The following NBEAL1 variants were observed in gnomAD, a reference collection of about 807,000 sequenced individuals.
NBEAL1 encodes neurobeachin-like protein 1.
In NBEAL1, 273 loss-of-function variants were observed where a neutral mutation model predicts 351.3. That is an observed-to-expected ratio of 0.78 (90% CI 0.70 to 0.86). The LOEUF (loss-of-function observed/expected upper bound fraction) is 0.86. Among genes scored for constraint, NBEAL1 ranks in the 40% least tolerant of loss-of-function variants. The probability of loss-of-function intolerance (pLI) is 0.00; values close to 1 mark genes in which losing one functional copy is unlikely to be tolerated. For missense variants in NBEAL1, 2,961 were observed against 3,201.3 expected (o/e 0.92, Z 1.81); for synonymous variants, 1,050 against 1,086.4 (o/e 0.97, Z 0.66).
At chr2:203,088,409 T>A (rs931099693) in intron 10 of NBEAL1, among the ~76,000 whole-genome samples, 6 of 150,828 alleles carry the variant, frequency 4.0e-5, no homozygotes, top group Non-Finnish European at 7.4e-5. Context: ...AACTATCAAA[T>A]AAACCCCTCA....
chr2:203,048,902 C>T (rs1195378499), intron 3 of NBEAL1, among the ~76,000 whole-genome samples: 2 of 149,628 alleles, frequency 1.3e-5, no homozygotes, highest in African/African-American at 4.9e-5. Context: ...TTTTTTAATA[C>T]CCTTTTATCT....
rs555388836 is a variant in NBEAL1, at chr2:203,114,477, A to T, written c.2506+1159A>T. On this transcript the variant is annotated intron_variant, in intron 17 of 55. Coordinates refer to ENST00000683969, the MANE Select transcript of NBEAL1 (RefSeq NM_001378026.1). ...TAGGGAACCTTGGATAAGTTTGCAA[A>T]CTGTTTTTCATTTTGTTTTGGCTTT... Among the ~76,000 whole-genome samples, 5 of 152,270 alleles carry T rather than the reference A, an allele frequency of 3.3e-5. No homozygotes were observed. The South Asian group carries it at 8.3e-4, about 25-fold the overall frequency.
At chr2:203,095,454 C>T (rs2062162330) in intron 10 of NBEAL1, among the ~76,000 whole-genome samples, 1 of 151,682 alleles carries the variant, frequency 6.6e-6, no homozygotes, top group Non-Finnish European at 1.5e-5. Flanking sequence ...ACCACTACTC[C>T]CTGCTAATTT....
intron 51 of NBEAL1, among the ~76,000 whole-genome samples, chr2:203,205,137 T>C (rs549665941): frequency 3.0e-4 from 45 of 152,302 alleles, no homozygotes; most frequent in Middle Eastern, 3.4e-3. Flanking sequence ...TTTCACTAGT[T>C]GTGTTTTTCA....
At chr2:203,128,651 G>A (rs1450916312) in intron 24 of NBEAL1, among the ~76,000 whole-genome samples, 1 of 147,278 alleles carries the variant, frequency 6.8e-6, no homozygotes, top group Admixed American at 6.8e-5. Flanking sequence ...AGGCTGGAGT[G>A]CAGTGGCACA....
At chr2:203,077,198 G>C (rs2061790441) in intron 7 of NBEAL1, among the ~76,000 whole-genome samples, 1 of 151,420 alleles carries the variant, frequency 6.6e-6, no homozygotes, top group African/African-American at 2.4e-5. Flanking sequence ...GGTCACCTGA[G>C]GTCTCTACTA....
intron 43 of NBEAL1, chr2:203,181,360 T>C (rs1056613077): frequency 2.0e-5 from 3 of 152,028 alleles, no homozygotes; most frequent in African/African-American, 7.2e-5. Flanking sequence ...ATAGGAAAAA[T>C]TTGGTAACTC....
chr2:203,114,335 C>T (rs1393077640), intron 17 of NBEAL1, among the ~76,000 whole-genome samples: 2 of 152,080 alleles, frequency 1.3e-5, no homozygotes, highest in African/African-American at 4.8e-5. Flanking sequence ...AAAATATAAC[C>T]GTATCTCTAG....
chr2:203,051,494 C>T (rs924107920), intron 4 of NBEAL1, among the ~76,000 whole-genome samples: 3 of 150,542 alleles, frequency 2.0e-5, no homozygotes, highest in African/African-American at 7.4e-5. Context: ...TTCAGTGTGC[C>T]GAGATCATGC....
chr2:203,168,829 G>C (rs2064221517), intron 38 of NBEAL1, among the ~76,000 whole-genome samples: 1 of 148,144 alleles, frequency 6.8e-6, no homozygotes, highest in African/African-American at 2.5e-5. Flanking sequence ...TGGAGGCAGA[G>C]GTTACAGTGA....
At chr2:203,122,394 C>A in intron 19 of NBEAL1, 51 bp downstream of exon 19, 1 of 1,146,558 alleles carries the variant, frequency 8.7e-7, no homozygotes, top group Non-Finnish European at 1.3e-6. Context: ...TACTGATACT[C>A]TTATTAAGGA....
rs781656581 is a variant in NBEAL1 at position 203,172,757 on chromosome 2, C to G, written c.6227C>G (p.Ser2076Trp). The G allele has an allele frequency of 6.2e-7, 1 of 1,610,394 alleles. No homozygotes were observed. The highest frequency in any genetic ancestry group is 1.3e-5 in the African/African-American group (1 of 74,728). ...CCCTGGATTTTACAAGATTATACTT[C>G]GGAAGAGTTGGACCTTAATAACCCT... ...VFPWILQDYT[S>W]EELDLNNPAV... The change falls in exon 41 of 56, where the codon TCG (serine) becomes TGG (tryptophan). Residue 2076 changes from serine (S) to tryptophan (W), a missense_variant. By Grantham distance (177) the Ser-to-Trp change is radical. Transcript: ENST00000683969.
chr2:203,183,132 T>C, intron 43 of NBEAL1, 147 bp from the exon 44 acceptor site: 1 of 425,132 alleles, frequency 2.4e-6, no homozygotes, highest in East Asian at 3.5e-5. Flanking sequence ...ATTTTTGTTT[T>C]TAAATTAACT....
intron 7 of NBEAL1, among the ~76,000 whole-genome samples, chr2:203,072,520 T>C (rs2061699930): frequency 6.6e-6 from 1 of 152,204 alleles, no homozygotes; most frequent in African/African-American, 2.4e-5. Flanking sequence ...GCTCACATTT[T>C]AACTATAAGC....
At chr2:203,056,825 C>T (rs1282521359) in intron 5 of NBEAL1, among the ~76,000 whole-genome samples, 3 of 152,224 alleles carry the variant, frequency 2.0e-5, no homozygotes, top group Non-Finnish European at 2.9e-5. Context: ...GCCTCGGCCT[C>T]CCAAAGTGCT....
At chr2:203,161,216 A>G (rs1221450802) in intron 36 of NBEAL1, among the ~76,000 whole-genome samples, 1 of 151,360 alleles carries the variant, frequency 6.6e-6, no homozygotes, top group Non-Finnish European at 1.5e-5. Context: ...AGTCCCAGCT[A>G]CTTGGGAGGC....
chr2:203,073,031 C>T (rs375809012), intron 7 of NBEAL1, among the ~76,000 whole-genome samples: 1 of 152,094 alleles, frequency 6.6e-6, no homozygotes, highest in Non-Finnish European at 1.5e-5. Flanking sequence ...TTAACATTCA[C>T]CAGCAGATCT....
At chr2:203,024,930 A>C (rs1384353405) in intron 2 of NBEAL1, among the ~76,000 whole-genome samples, 1 of 151,746 alleles carries the variant, frequency 6.6e-6, no homozygotes, top group Admixed American at 6.5e-5. Flanking sequence ...CAGTTCTGAA[A>C]AGAATGAAAA....
At chr2:203,191,809 T>C (rs956790618) in intron 46 of NBEAL1, among the ~76,000 whole-genome samples, 1 of 152,130 alleles carries the variant, frequency 6.6e-6, no homozygotes, top group Non-Finnish European at 1.5e-5. Context: ...TCTGAATGAG[T>C]AGTTGTAAGC....
Sources: allele counts gnomAD v4.1 joint callset (sites outside exome capture counted in the v4.1 genomes callset), GRCh38; gene constraint gnomAD v4.1.1; transcripts MANE v1.5; gene names NCBI Gene and HGNC (gene_info 2026-07-23, HGNC 2026-07-21).